The following SLC39A11 variants were observed in gnomAD, a reference collection of about 807,000 sequenced individuals.
SLC39A11 encodes solute carrier family 39 member 11.
SLC39A11 carries 33 observed loss-of-function variants against 36.1 expected under a neutral mutation model. The observed-to-expected ratio is 0.91, with a 90% CI of 0.69 to 1.22. The LOEUF (loss-of-function observed/expected upper bound fraction) is 1.22. SLC39A11 is among the 50% of genes most tolerant of loss of function. The pLI is 0.00. For synonymous variants in SLC39A11, 166 were observed against 170.3 expected, an observed-to-expected ratio of 0.97 and a Z score of 0.20; for missense variants, 432 against 430.3, an observed-to-expected ratio of 1.00 and a Z score of -0.03.
chr17:72,951,354 T>C (rs1310775489), intron 4 of SLC39A11, among the ~76,000 whole-genome samples: 2 of 150,876 alleles, frequency 1.3e-5, no homozygotes, highest in African/African-American at 4.9e-5. Context: ...CAGGACGCCA[T>C]AGCTCCCTGT....
intron 4 of SLC39A11, among the ~76,000 whole-genome samples, chr17:72,995,177 G>A (rs908135045): frequency 1.4e-5 from 2 of 144,920 alleles, no homozygotes; most frequent in Non-Finnish European, 3.2e-5. Context: ...CCATGCCCTT[G>A]TCATGGCCTT....
intron 6 of SLC39A11, among the ~76,000 whole-genome samples, chr17:72,756,825 A>C (rs185756959): frequency 6.6e-6 from 1 of 151,832 alleles, no homozygotes; most frequent in East Asian, 1.9e-4. Flanking sequence ...ATTTGGGGAG[A>C]AAAAAAACTA....
intron 3 of SLC39A11, among the ~76,000 whole-genome samples, chr17:73,069,143 A>T (rs1031807675): frequency 1.3e-5 from 2 of 151,824 alleles, no homozygotes; most frequent in Admixed American, 1.3e-4. Context: ...CCCCACTCCC[A>T]TCCTTACTTG....
At chr17:72,944,453 C>T (rs1417945589) in intron 5 of SLC39A11, among the ~76,000 whole-genome samples, 1 of 152,068 alleles carries the variant, frequency 6.6e-6, no homozygotes, top group Non-Finnish European at 1.5e-5. Flanking sequence ...GACAGAGAAG[C>T]CCAAGATCTT....
chr17:72,860,136 T>C (rs2079897817), intron 5 of SLC39A11, among the ~76,000 whole-genome samples: 1 of 150,954 alleles, frequency 6.6e-6, no homozygotes, highest in Non-Finnish European at 1.5e-5. Flanking sequence ...TAGTGGAGCA[T>C]GGAAAGAAAA....
Position 73,031,675 on chromosome 17 carries a change from C to T in SLC39A11, c.187G>A (p.Ala63Thr), listed in dbSNP as rs2058743447. 4.3e-6 allele frequency: 7 copies of T among 1,614,112 alleles called. No homozygotes were observed. The highest frequency in any genetic ancestry group is 5.1e-6 in the Non-Finnish European group (6 of 1,180,032). Residue 63 changes from alanine (A) to threonine (T), a missense_variant, in exon 4 of 10, where the codon GCA becomes ACA. Physicochemically the swap from Ala to Thr is moderately conservative, Grantham distance 58. Coordinates refer to ENST00000255559, the MANE Select transcript of SLC39A11 (RefSeq NM_139177.4). ...AASYWSLLAP[A>T]VEMATSSGGF... ...CCAGAGGACGTGGCCATCTCAACTG[C>T]TGGGGCCAGAAGAGACCAATAGGAA...
chr17:73,021,490 C>A (rs1014713532), intron 4 of SLC39A11, among the ~76,000 whole-genome samples: 2 of 152,078 alleles, frequency 1.3e-5, no homozygotes, highest in Non-Finnish European at 2.9e-5. Context: ...TACAAGCAGG[C>A]ACCACCATGC....
chr17:72,662,924 C>T (rs1447239991), intron 7 of SLC39A11, among the ~76,000 whole-genome samples: 3 of 152,168 alleles, frequency 2.0e-5, no homozygotes, highest in Admixed American at 6.5e-5. Context: ...ATGCAAGTGC[C>T]CCTCTACAAC....
chr17:73,038,351 G>A (rs2058992462), intron 3 of SLC39A11, among the ~76,000 whole-genome samples: 1 of 152,058 alleles, frequency 6.6e-6, no homozygotes, highest in Non-Finnish European at 1.5e-5. Flanking sequence ...CTACCACAGG[G>A]CTCAGAAGTC....
intron 7 of SLC39A11, among the ~76,000 whole-genome samples, chr17:72,669,140 G>C (rs955913802): frequency 1.3e-5 from 2 of 152,186 alleles, no homozygotes; most frequent in African/African-American, 4.8e-5. Flanking sequence ...AGTTATGCAG[G>C]AGAATGTTTT....
chr17:73,032,990 C>A (rs1260562846), intron 3 of SLC39A11, among the ~76,000 whole-genome samples: 1 of 152,192 alleles, frequency 6.6e-6, no homozygotes, highest in East Asian at 1.9e-4. Flanking sequence ...GCACCAGGGG[C>A]CAGTTTCATG....
chr17:72,681,827 TTAA>T (rs1448197506), intron 7 of SLC39A11, among the ~76,000 whole-genome samples: 2 of 152,226 alleles, frequency 1.3e-5, no homozygotes, highest in African/African-American at 4.8e-5. Flanking sequence ...TAGGATTTTC[TTAA>T]TAATATTTTC....
intron 4 of SLC39A11, among the ~76,000 whole-genome samples, chr17:72,965,119 G>T (rs1041761243): frequency 6.6e-6 from 1 of 151,998 alleles, no homozygotes; most frequent in Non-Finnish European, 1.5e-5. Context: ...AAGGGGGGAG[G>T]GAAAGCATTA....
intron 5 of SLC39A11, among the ~76,000 whole-genome samples, chr17:72,924,460 A>T (rs1463560216): frequency 6.6e-6 from 1 of 152,122 alleles, no homozygotes; most frequent in Non-Finnish European, 1.5e-5. Flanking sequence ...GAGTAACTAA[A>T]ATCAAATGGA....
Position 72,954,708 on chromosome 17 carries a change from CT to C in SLC39A11, c.307-6834del, listed in dbSNP as rs575113403. Among the ~76,000 whole-genome samples the C allele has an allele frequency of 4.6e-3, 706 of 152,342 alleles. 3 individuals are homozygous for C. Among genetic ancestry groups the C allele is most frequent in the Admixed American group, 0.011 (169 of 15,310 alleles). ...ATGGAAAAAAAATTAAATGTCGCCC[CT>C]GATCAACAGTCAGAATATGGATGGT... On this transcript the variant is annotated intron_variant, in intron 4 of 9. Transcript: ENST00000255559.
chr17:72,734,744 C>T (rs2074353974), intron 7 of SLC39A11, among the ~76,000 whole-genome samples: 2 of 152,224 alleles, frequency 1.3e-5, no homozygotes, highest in Admixed American at 1.3e-4. Flanking sequence ...GAGAGCCTGG[C>T]CTGTGAGTTC....
intron 4 of SLC39A11, among the ~76,000 whole-genome samples, chr17:73,007,426 A>C (rs2090248308): frequency 1.3e-5 from 2 of 152,222 alleles, no homozygotes; most frequent in South Asian, 4.1e-4. Context: ...TGTCTCAAAA[A>C]AATAAAGCAA....
chr17:72,693,967 C>A (rs1287708465), intron 7 of SLC39A11, among the ~76,000 whole-genome samples: 1 of 152,144 alleles, frequency 6.6e-6, no homozygotes, highest in Non-Finnish European at 1.5e-5. Flanking sequence ...CAGCCCCCAG[C>A]TCTTTATAGA....
At chr17:73,070,034 C>CA (rs981806253) in intron 3 of SLC39A11, among the ~76,000 whole-genome samples, 7 of 152,218 alleles carry the variant, frequency 4.6e-5, no homozygotes, top group Non-Finnish European at 7.3e-5. Context: ...ATGACTCCCA[C>CA]AAGTCTCTGC....
Sources: allele counts gnomAD v4.1 joint callset (sites outside exome capture counted in the v4.1 genomes callset), GRCh38; gene constraint gnomAD v4.1.1; transcripts MANE v1.5; gene names NCBI Gene and HGNC (gene_info 2026-07-23, HGNC 2026-07-21).